Variants in CCS observed in about 807,000 individuals in gnomAD.
CCS encodes the protein superoxide dismutase copper chaperone.
A neutral mutation model predicts 35.5 loss-of-function variants in CCS; 32 were observed. The ratio of observed to expected loss-of-function variants is 0.90; its 90% CI spans 0.68 to 1.21. CCS has a LOEUF of 1.21. Ranked by LOEUF, CCS falls within the 50% of genes most tolerant of loss-of-function variation. The pLI, the probability that CCS is intolerant of heterozygous loss-of-function variation, is 0.00. For synonymous variants in CCS, 130 were observed against 147.2 expected, an observed-to-expected ratio of 0.88 and a Z score of 0.84; for missense variants, 342 against 375.4, an observed-to-expected ratio of 0.91 and a Z score of 0.73.
At position 66,599,469 on chromosome 11, in the gene CCS, G is replaced by A. The variant is rs144968320; in HGVS notation, c.261G>A (p.Gly87=). The change falls in exon 4 of 8, where the codon GGG becomes GGA. Residue 87 remains glycine, a synonymous_variant. Transcript: ENST00000533244. ...GMGSGQLQNL[G]AAVAILGGPG... The stretch of plus-strand genomic sequence containing the variant: ...TCTAATACCTTGCAGAGAATCTGGG[G>A]GCAGCAGTGGCCATCCTGGGGGGGC... The A allele has an allele frequency of 4.8e-5, 74 of 1,535,642 alleles. No homozygotes were observed. In the African/African-American group the frequency reaches 9.3e-4, roughly 19 times the overall value.
chr11:66,599,969 A>C (rs1858546625), intron 4 of CCS: 1 of 236,618 alleles, frequency 4.2e-6, no homozygotes, highest in Non-Finnish European at 8.3e-6. Context: ...TACAAAAAAA[A>C]ATTAGCCAGG....
Position 66,605,511 on chromosome 11 carries a change from G to C in CCS, c.590G>C (p.Ser197Thr), listed in dbSNP as rs765752116. 16 of 1,613,990 alleles carry C rather than the reference G, an allele frequency of 9.9e-6. No individual in the cohort carries two copies. The highest frequency in any genetic ancestry group is 1.4e-5 in the Non-Finnish European group (16 of 1,179,994). The part of the protein sequence containing the change: ...QLKVWDVIGR[S>T]LIIDEGEDDL... ...AAGGTGTGGGATGTGATTGGCCGCA[G>C]CCTGATTATTGATGAGGGAGAAGAT... The change falls in exon 7 of 8, where the codon AGC (serine) becomes ACC (threonine). Residue 197 changes from serine to threonine, a missense_variant. Physicochemically the swap from Ser to Thr is moderately conservative, Grantham distance 58 (BLOSUM62 1). Coordinates refer to ENST00000533244, the MANE Select transcript of CCS (RefSeq NM_005125.2).
Position 66,605,971 on chromosome 11 carries a change from G to T in CCS, c.*116G>T. The T allele has an allele frequency of 9.1e-7, 1 of 1,104,696 alleles. No homozygotes were observed. The highest frequency in any genetic ancestry group is 1.2e-6 in the Non-Finnish European group (1 of 829,770). 68.4% of individuals were successfully genotyped at this position (1,104,696 alleles called of 1,614,324 possible). On this transcript the variant is annotated 3_prime_UTR_variant, in exon 8 of 8. Transcript: ENST00000533244. ...TTGGAGAGCTCAGTACAGGGCAGGA[G>T]CTGCTGTGGTGTTCCCTTGGCAAAT...
chr11:66,604,980 G>A (rs1858630302), intron 5 of CCS, among the ~76,000 whole-genome samples: 1 of 152,222 alleles, frequency 6.6e-6, no homozygotes, highest in Admixed American at 6.5e-5. Context: ...CTGAGAAGCA[G>A]AGCTGGGCAA....
chr11:66,598,984 C>T lies in CCS; in HGVS notation c.113-132C>T, dbSNP rs78279232. On this transcript the variant is annotated intron_variant, in intron 2 of 7. Transcript: ENST00000533244. ...AGGCTTACTCAGGGTTACACAGTTA[C>T]GAAGTAGCTTGCCTCTGACCATGGG... The T allele has an allele frequency of 1.6e-3, 1,606 of 1,020,734 alleles. 2 individuals carry two copies. The highest frequency in any genetic ancestry group is 1.9e-3 in the Non-Finnish European group (1,260 of 673,136). 63.2% of individuals were successfully genotyped at this position (1,020,734 alleles called of 1,614,324 possible).
At chr11:66,596,453 C>T (rs896940000) in intron 2 of CCS, among the ~76,000 whole-genome samples, 3 of 151,014 alleles carry the variant, frequency 2.0e-5, no homozygotes, top group Non-Finnish European at 4.4e-5. Context: ...AATCTCGGCT[C>T]ACTGCAAGCT....
chr11:66,598,528 AT>A (rs1431435093), intron 2 of CCS, among the ~76,000 whole-genome samples: 2 of 148,708 alleles, frequency 1.3e-5, no homozygotes, highest in Admixed American at 1.4e-4. Flanking sequence ...AAAAAAAAAT[AT>A]TTTTTAAGCT....
rs1858636304 is a variant in CCS at position 66,605,323 on chromosome 11, CTG to C, written c.490-15_490-14del. On this transcript the variant is annotated splice_polypyrimidine_tract_variant and intron_variant, in intron 5 of 7. Transcript: ENST00000533244. ...GTGGCACACATCCCCTATACACACA[CTG>C]GATCTCATTCCAGCACCGCGGAGAC... 1 of 1,614,086 alleles carries C rather than the reference CTG, an allele frequency of 6.2e-7. No individual in the cohort carries two copies. Among genetic ancestry groups the C allele is most frequent in the African/African-American group, 1.3e-5 (1 of 75,048 alleles).
chr11:66,596,544 TA>T (rs1430816244), intron 2 of CCS, among the ~76,000 whole-genome samples: 5 of 152,124 alleles, frequency 3.3e-5, no homozygotes, highest in Admixed American at 3.3e-4. Flanking sequence ...CATGCCCGGC[TA>T]ACTTTTTAGT....
chr11:66,602,151 G>C (rs542527967), intron 5 of CCS, among the ~76,000 whole-genome samples: 1 of 152,324 alleles, frequency 6.6e-6, no homozygotes, highest in South Asian at 2.1e-4. Context: ...TTAGTAATCT[G>C]CTGCTGCAAA....
intron 2 of CCS, among the ~76,000 whole-genome samples, chr11:66,598,299 C>T (rs546644750): frequency 1.4e-3 from 211 of 151,020 alleles, no homozygotes; most frequent in Non-Finnish European, 2.7e-3. Context: ...GTCAGGAGTT[C>T]GAGAGCAGCC....
chr11:66,593,847 C>T, intron 2 of CCS, 133 bp downstream of exon 2: 1 of 822,902 alleles, frequency 1.2e-6, no homozygotes, highest in Non-Finnish European at 2.0e-6. Context: ...GGCATGTTCT[C>T]AGAGTTACAC....
intron 5 of CCS, among the ~76,000 whole-genome samples, chr11:66,602,591 T>A (rs1858589005): frequency 6.6e-6 from 1 of 152,210 alleles, no homozygotes; most frequent in Admixed American, 6.5e-5. Context: ...TCATGCAGCC[T>A]TGAAAGATGA....
chr11:66,595,264 C>A (rs1236129970), intron 2 of CCS, among the ~76,000 whole-genome samples: 1 of 152,132 alleles, frequency 6.6e-6, no homozygotes, highest in African/African-American at 2.4e-5. Flanking sequence ...GAAGGGCTTA[C>A]AGGTGGTGAT....
chr11:66,604,374 G>A lies in CCS; in HGVS notation c.490-965G>A, dbSNP rs527485512. The stretch of plus-strand genomic sequence containing the variant: ...GGCAGCAGATATCCCTCTGGAAAAC[G>A]AGATAAAGCAGAACTGCCACTTCTT... On this transcript the variant is annotated intron_variant, in intron 5 of 7. Transcript: ENST00000533244. Among the ~76,000 whole-genome samples, 15 of 152,314 alleles carry A rather than the reference G, an allele frequency of 9.8e-5. No homozygotes were observed. In the East Asian group the frequency reaches 2.3e-3, roughly 23 times the overall value.
In CCS at chr11:66,599,196, C is replaced by G. The variant is rs770615243; in HGVS notation, c.193C>G (p.Leu65Val). ...TTLPSQEVQA[L>V]LEGTGRQAVL... ...TCTACCCAGCCAGGAGGTGCAGGCT[C>G]TCCTGGAAGGCACGGGGCGGCAGGC... is the stretch of plus-strand genomic sequence containing the variant. Residue 65 changes from leucine to valine, a missense_variant, in exon 3 of 8, where the codon CTC becomes GTC. By Grantham distance (32) the Leu-to-Val change is conservative (BLOSUM62 1). Coordinates refer to ENST00000533244, the MANE Select transcript of CCS (RefSeq NM_005125.2). 2.5e-6 allele frequency: 4 copies of G among 1,613,830 alleles called. No homozygotes were observed. The highest frequency in any genetic ancestry group is 8.5e-7 in the Non-Finnish European group (1 of 1,179,922).
intron 5 of CCS, among the ~76,000 whole-genome samples, chr11:66,601,888 T>C (rs975811504): frequency 3.3e-5 from 5 of 152,060 alleles, no homozygotes; most frequent in Admixed American, 6.6e-5. Flanking sequence ...ACATTTTTTT[T>C]TTTTCTTTTT....
intron 5 of CCS, among the ~76,000 whole-genome samples, chr11:66,601,467 C>G (rs764343754): frequency 2.6e-5 from 4 of 152,160 alleles, no homozygotes; most frequent in African/African-American, 4.8e-5. Context: ...GTATGTGTTG[C>G]TTAATGCATG....
chr11:66,593,542 G>A, intron 1 of CCS, 100 bp from the exon 2 acceptor site: 1 of 1,280,842 alleles, frequency 7.8e-7, no homozygotes, highest in Non-Finnish European at 1.1e-6. Context: ...AGTGGGGCTT[G>A]TTCCCAGACC....
Sources: gnomAD v4.1 joint callset for allele counts (sites outside exome capture counted in the v4.1 genomes callset) on GRCh38, gnomAD v4.1.1 for gene constraint, MANE v1.5 for transcripts, NCBI Gene and HGNC (gene_info 2026-07-23, HGNC 2026-07-21) for gene names.